Variants in ATRNL1 observed in about 807,000 individuals in gnomAD.
ATRNL1 encodes attractin-like protein 1.
In ATRNL1, 95 loss-of-function variants were observed where a neutral mutation model predicts 182.7. The ratio of observed to expected loss-of-function variants is 0.52; its 90% CI spans 0.44 to 0.62. ATRNL1 has a LOEUF of 0.62. Among genes scored for constraint, ATRNL1 ranks in the 20% least tolerant of loss-of-function variants. The probability of loss-of-function intolerance (pLI) is 0.00; values close to 1 mark genes in which losing one functional copy is unlikely to be tolerated. For synonymous variants in ATRNL1, 576 were observed against 568.3 expected, an observed-to-expected ratio of 1.01 and a Z score of -0.19; for missense variants, 1,471 against 1,679.5, an observed-to-expected ratio of 0.88 and a Z score of 2.17.
At chr10:115,704,993 C>T (rs1415542488) in intron 26 of ATRNL1, among the ~76,000 whole-genome samples, 4 of 151,818 alleles carry the variant, frequency 2.6e-5, no homozygotes, top group African/African-American at 9.7e-5. Context: ...CAGTCACTCT[C>T]ATATGAGACA....
intron 9 of ATRNL1, among the ~76,000 whole-genome samples, chr10:115,223,934 T>A (rs1262235606): frequency 0.013 from 1,449 of 110,448 alleles, 35 homozygotes; most frequent in African/African-American, 0.041. Flanking sequence ...TATATATTTT[T>A]TTTTTTTTTT....
At chr10:115,388,940 T>C (rs1489088367) in intron 19 of ATRNL1, among the ~76,000 whole-genome samples, 4 of 152,204 alleles carry the variant, frequency 2.6e-5, no homozygotes, top group Non-Finnish European at 4.4e-5. Context: ...TTTGTGTTAA[T>C]AACATTTAAA....
intron 28 of ATRNL1, among the ~76,000 whole-genome samples, chr10:115,912,416 TTGTGTGTGTG>T (rs35956227): frequency 2.0e-5 from 3 of 148,092 alleles, no homozygotes; most frequent in African/African-American, 5.0e-5. Context: ...ATATATATAT[TTGTGTGTGTG>T]TGTGTGTGTG....
At chr10:115,617,649 C>T (rs1555021253) in intron 26 of ATRNL1, among the ~76,000 whole-genome samples, 1 of 152,210 alleles carries the variant, frequency 6.6e-6, no homozygotes, top group African/African-American at 2.4e-5. Flanking sequence ...TGAGCCACCA[C>T]ACCCAGCCAA....
intron 19 of ATRNL1, among the ~76,000 whole-genome samples, chr10:115,380,138 A>G (rs1242663073): frequency 1.3e-5 from 2 of 152,138 alleles, no homozygotes; most frequent in Admixed American, 6.5e-5. Flanking sequence ...CCAACTTTAT[A>G]TATACCTTTA....
At position 115,152,871 on chromosome 10, in the gene ATRNL1, T is replaced by G. The variant is rs189820177; in HGVS notation, c.830-7169T>G. Among the ~76,000 whole-genome samples, 204 of 152,220 alleles carry G rather than the reference T, an allele frequency of 1.3e-3. 2 individuals carry two copies. The South Asian group carries it at 0.025, about 18-fold the overall frequency. Reference sequence around the variant, plus strand: ...TGGGTTTGTCATAAATACCTCTTATTATTTTGAGATACATCCCATCAATAC... The same window carrying G: ...TGGGTTTGTCATAAATACCTCTTATGATTTTGAGATACATCCCATCAATAC... On this transcript the variant is annotated intron_variant, in intron 5 of 28. Transcript: ENST00000355044.
chr10:115,861,105 G>T (rs1361107311), intron 28 of ATRNL1, among the ~76,000 whole-genome samples: 1 of 152,046 alleles, frequency 6.6e-6, no homozygotes, highest in Non-Finnish European at 1.5e-5. Flanking sequence ...CATTGCCTCT[G>T]CCTAGATTGT....
chr10:115,338,440 G>A (rs1472749895), intron 19 of ATRNL1, among the ~76,000 whole-genome samples: 1 of 152,034 alleles, frequency 6.6e-6, no homozygotes, highest in Non-Finnish European at 1.5e-5. Context: ...TAACTGGGGT[G>A]ATATTACAGT....
intron 10 of ATRNL1, among the ~76,000 whole-genome samples, chr10:115,246,577 G>A (rs1465984096): frequency 1.6e-5 from 1 of 60,850 alleles, no homozygotes; most frequent in Non-Finnish European, 3.5e-5. Context: ...TTTTTGAGAC[G>A]GAGTCTCGCT....
intron 28 of ATRNL1, among the ~76,000 whole-genome samples, chr10:115,927,154 A>C (rs1017235476): frequency 3.9e-5 from 6 of 152,180 alleles, no homozygotes; most frequent in Non-Finnish European, 7.3e-5. Flanking sequence ...AACAGAACTA[A>C]AGACAAAAAC....
At chr10:115,783,439 A>G (rs1268135057) in intron 27 of ATRNL1, among the ~76,000 whole-genome samples, 3 of 152,248 alleles carry the variant, frequency 2.0e-5, no homozygotes, top group Non-Finnish European at 2.9e-5. Flanking sequence ...AACTGTGAAC[A>G]TATCATTTAA....
At chr10:115,474,507 G>A (rs1438411631) in intron 24 of ATRNL1, among the ~76,000 whole-genome samples, 2 of 151,284 alleles carry the variant, frequency 1.3e-5, no homozygotes. Flanking sequence ...GGGAAGTTTT[G>A]AGCCATTATT....
At chr10:115,365,201 C>G (rs1421542537) in intron 19 of ATRNL1, among the ~76,000 whole-genome samples, 1 of 152,066 alleles carries the variant, frequency 6.6e-6, no homozygotes, top group Non-Finnish European at 1.5e-5. Flanking sequence ...TTTCAGCTCC[C>G]GTTATTGGTC....
chr10:115,096,588 C>A, intron 1 of ATRNL1: 1 of 940,318 alleles, frequency 1.1e-6, no homozygotes, highest in Non-Finnish European at 1.5e-6. Flanking sequence ...TCTTGGTAAG[C>A]AGGTGTCAAA....
intron 25 of ATRNL1, among the ~76,000 whole-genome samples, chr10:115,526,327 G>T (rs1480934375): frequency 6.6e-6 from 1 of 152,004 alleles, no homozygotes; most frequent in Non-Finnish European, 1.5e-5. Context: ...AGTCATCAGG[G>T]CCTCATTTAA....
At position 115,241,660 on chromosome 10, in the gene ATRNL1, A is replaced by G. The variant is rs1850428372; in HGVS notation, c.1622A>G (p.His541Arg). 6.2e-7 allele frequency: 1 copy of G among 1,611,490 alleles called. No homozygotes were observed. The highest frequency in any genetic ancestry group is 1.3e-5 in the African/African-American group (1 of 74,910). ...ATGCTTATTTTTGGAGGAAATACCC[A>G]TAATGACACTTCCTTGAGTAACGGT... Reference protein sequence around the residue: ...GAMLIFGGNTHNDTSLSNGAK... With the variant: ...GAMLIFGGNTRNDTSLSNGAK... The change falls in exon 10 of 29, where the codon CAT becomes CGT. Residue 541 changes from histidine (H) to arginine (R), a missense_variant. Coordinates refer to ENST00000355044, the MANE Select transcript of ATRNL1 (RefSeq NM_207303.4).
At chr10:115,894,031 A>T (rs1258664820) in intron 28 of ATRNL1, among the ~76,000 whole-genome samples, 1 of 152,162 alleles carries the variant, frequency 6.6e-6, no homozygotes, top group Non-Finnish European at 1.5e-5. Flanking sequence ...AGGGGAATAG[A>T]TGGAAATTTC....
At chr10:115,208,114 A>G (rs961532910) in intron 8 of ATRNL1, among the ~76,000 whole-genome samples, 1 of 152,002 alleles carries the variant, frequency 6.6e-6, no homozygotes, top group Non-Finnish European at 1.5e-5. Flanking sequence ...ATTCTGTTAA[A>G]TGTATTTTTC....
chr10:115,299,347 A>G (rs911398825), intron 15 of ATRNL1, among the ~76,000 whole-genome samples: 3 of 152,064 alleles, frequency 2.0e-5, no homozygotes, highest in Non-Finnish European at 4.4e-5. Context: ...TTACAGCATT[A>G]AGAATAGTTA....
Sources: allele counts gnomAD v4.1 joint callset (sites outside exome capture counted in the v4.1 genomes callset), GRCh38; gene constraint gnomAD v4.1.1; transcripts MANE v1.5; gene names NCBI Gene and HGNC (gene_info 2026-07-23, HGNC 2026-07-21).